Variants in EYS observed in about 807,000 individuals in gnomAD.
The protein encoded by EYS is EGF-like photoreceptor maintenance factor.
In EYS, 250 loss-of-function variants were observed where a neutral mutation model predicts 282.1. The observed-to-expected ratio is 0.89, with a 90% CI of 0.80 to 0.98. The LOEUF (loss-of-function observed/expected upper bound fraction) is 0.98, where lower values mean the gene tolerates loss of function less well. EYS is among the 50% of genes least tolerant of loss of function. The pLI is 0.00. For synonymous variants in EYS, 1,355 were observed against 1,282.9 expected, an observed-to-expected ratio of 1.06 and a Z score of -1.20; for missense variants, 4,016 against 3,709.0, an observed-to-expected ratio of 1.08 and a Z score of -2.15.
intron 29 of EYS, among the ~76,000 whole-genome samples, chr6:64,378,593 A>G (rs1772641229): frequency 6.6e-6 from 1 of 152,170 alleles, no homozygotes. Context: ...AAAGGATAAC[A>G]GTTATTAAGT....
chr6:64,804,718 C>G (rs978296795), intron 22 of EYS, among the ~76,000 whole-genome samples: 2 of 152,026 alleles, frequency 1.3e-5, no homozygotes, highest in African/African-American at 2.4e-5. Context: ...AAAATTATTT[C>G]TGCTTCATCA....
At chr6:63,837,587 A>G (rs887684969) in intron 36 of EYS, among the ~76,000 whole-genome samples, 4 of 151,720 alleles carry the variant, frequency 2.6e-5, no homozygotes, top group Non-Finnish European at 5.9e-5. Context: ...AATTTTTTCT[A>G]TTTAACTTTC....
At chr6:64,445,070 ATC>A (rs1561998545) in intron 26 of EYS, among the ~76,000 whole-genome samples, 1 of 152,240 alleles carries the variant, frequency 6.6e-6, no homozygotes, top group African/African-American at 2.4e-5. Context: ...CTAACACACT[ATC>A]TAATAGAAAA....
intron 12 of EYS, among the ~76,000 whole-genome samples, chr6:65,277,373 C>A (rs2150271448): frequency 6.7e-6 from 1 of 150,166 alleles, no homozygotes; most frequent in Admixed American, 6.7e-5. Context: ...CCAGAGGTTG[C>A]AGTGAGCTGA....
chr6:65,283,539 T>C (rs1192511538), intron 12 of EYS, among the ~76,000 whole-genome samples: 1 of 152,030 alleles, frequency 6.6e-6, no homozygotes, highest in East Asian at 1.9e-4. Flanking sequence ...CTTTCTCATA[T>C]TATAGACTTG....
intron 29 of EYS, among the ~76,000 whole-genome samples, chr6:64,388,378 A>G (rs1251910803): frequency 6.6e-6 from 1 of 152,168 alleles, no homozygotes; most frequent in Admixed American, 6.5e-5. Context: ...AGTGAAAATC[A>G]CTATCTTAGT....
chr6:64,198,870 T>C, intron 31 of EYS, among the ~76,000 whole-genome samples: 1 of 152,192 alleles, frequency 6.6e-6, no homozygotes, highest in African/African-American at 2.4e-5. Context: ...TCAAAGGGTA[T>C]TTCTGGTTCT....
intron 12 of EYS, among the ~76,000 whole-genome samples, chr6:65,148,464 T>C (rs919748885): frequency 6.6e-6 from 1 of 152,172 alleles, no homozygotes; most frequent in East Asian, 1.9e-4. Flanking sequence ...ATGCAAGAGA[T>C]AGGTTCCCAT....
intron 31 of EYS, among the ~76,000 whole-genome samples, chr6:64,193,240 T>C (rs1007729394): frequency 1.3e-5 from 2 of 152,316 alleles, no homozygotes; most frequent in Non-Finnish European, 1.5e-5. Context: ...CAAGACAGTG[T>C]TCCAATTCAA....
Position 64,885,460 on chromosome 6 carries a change from T to TTTCTTATTTTATA in EYS, c.2992+1236_2992+1237insTATAAAATAAGAA, listed in dbSNP as rs1181843148. ...TAGTCATGTTGAGCTCAGTGTGTTG[T>TTTCTTATTTTATA]TTCTTATTTTAATACTTCTAGCAGC... On this transcript the variant is annotated intron_variant, in intron 19 of 42. Coordinates refer to ENST00000503581, the MANE Select transcript of EYS (RefSeq NM_001142800.2). Among the ~76,000 whole-genome samples, 4 of 151,832 alleles carry TTTCTTATTTTATA rather than the reference T, an allele frequency of 2.6e-5. No individual in the cohort carries two copies. In the East Asian group the frequency reaches 7.7e-4, roughly 29 times the overall value.
intron 35 of EYS, among the ~76,000 whole-genome samples, chr6:63,882,433 T>A (rs1226957285): frequency 6.6e-6 from 1 of 152,210 alleles, no homozygotes; most frequent in Non-Finnish European, 1.5e-5. Flanking sequence ...GGAGCAGGCC[T>A]TCCATCCACT....
At chr6:65,098,090 G>A (rs1444160437) in intron 12 of EYS, among the ~76,000 whole-genome samples, 4 of 150,378 alleles carry the variant, frequency 2.7e-5, no homozygotes, top group South Asian at 2.1e-4. Flanking sequence ...CAGTTATCTC[G>A]GAGGTAACAC....
At chr6:64,137,819 A>G (rs557003373) in intron 31 of EYS, among the ~76,000 whole-genome samples, 11 of 152,204 alleles carry the variant, frequency 7.2e-5, no homozygotes, top group Non-Finnish European at 1.6e-4. Context: ...AAGTATGAGA[A>G]TCATCAAAAT....
chr6:65,164,959 T>G (rs766116524), intron 12 of EYS, among the ~76,000 whole-genome samples: 1 of 150,482 alleles, frequency 6.6e-6, no homozygotes, highest in Non-Finnish European at 1.5e-5. Context: ...CATTTTAACT[T>G]AATTAGTGCT....
At chr6:65,015,616 T>A (rs991651464) in intron 13 of EYS, among the ~76,000 whole-genome samples, 3 of 152,144 alleles carry the variant, frequency 2.0e-5, no homozygotes, top group Non-Finnish European at 4.4e-5. Flanking sequence ...CTTAAATTAA[T>A]GTTAAGAAGC....
chr6:64,031,931 T>TC lies in EYS; in HGVS notation c.6726-32749dup, dbSNP rs1769866131. The stretch of plus-strand genomic sequence containing the variant: ...AGCCAGCAGTGGCAACCTGCTCTGG[T>TC]CCCCTTCCACACTGTGGAAGCTTTG... On this transcript the variant is annotated intron_variant, in intron 33 of 42. Coordinates refer to ENST00000503581, the MANE Select transcript of EYS (RefSeq NM_001142800.2). 2.6e-5 allele frequency among the ~76,000 whole-genome samples: 4 copies of TC among 152,220 alleles called. No individual in the cohort carries two copies. In the South Asian group the frequency reaches 8.3e-4, roughly 32 times the overall value.
At chr6:64,374,630 A>G (rs1772506387) in intron 29 of EYS, among the ~76,000 whole-genome samples, 1 of 152,052 alleles carries the variant, frequency 6.6e-6, no homozygotes, top group African/African-American at 2.4e-5. Context: ...GATCCCAACT[A>G]GTTTCTCAGA....
At chr6:64,140,148 G>C (rs1774295033) in intron 31 of EYS, among the ~76,000 whole-genome samples, 1 of 152,098 alleles carries the variant, frequency 6.6e-6, no homozygotes, top group South Asian at 2.1e-4. Context: ...ATGAAAAACA[G>C]AACATCTGGG....
intron 34 of EYS, among the ~76,000 whole-genome samples, chr6:63,987,025 G>C (rs1020232869): frequency 6.6e-6 from 1 of 151,654 alleles, no homozygotes; most frequent in Admixed American, 6.6e-5. Flanking sequence ...TGTAAAATTA[G>C]GCTGTTGATC....
Sources: gnomAD v4.1 joint callset for allele counts (sites outside exome capture counted in the v4.1 genomes callset) on GRCh38, gnomAD v4.1.1 for gene constraint, MANE v1.5 for transcripts, NCBI Gene and HGNC (gene_info 2026-07-23, HGNC 2026-07-21) for gene names.